Variants in C7orf33 observed in about 807,000 individuals in gnomAD.
The protein encoded by C7orf33 is chromosome 7 open reading frame 33, also known as uncharacterized protein C7orf33.
C7orf33 carries 15 observed loss-of-function variants against 13.4 expected under a neutral mutation model. The observed-to-expected ratio is 1.12, with a 90% CI of 0.75 to 1.72. The LOEUF (loss-of-function observed/expected upper bound fraction) is 1.72. C7orf33 is among the 40% of genes most tolerant of loss of function. C7orf33 has a pLI of 0.00. For missense variants in C7orf33, 187 were observed against 220.3 expected (o/e 0.85, Z 0.96); for synonymous variants, 73 against 83.2 (o/e 0.88, Z 0.67).
intron 1 of C7orf33, among the ~76,000 whole-genome samples, chr7:148,597,968 G>A (rs570279921): frequency 6.6e-6 from 1 of 152,242 alleles, no homozygotes; most frequent in African/African-American, 2.4e-5. Context: ...TGTTAGCCAG[G>A]ATGATCTCGA....
At position 148,610,241 on chromosome 7, in the gene C7orf33, T is replaced by G. The variant is rs1796521620; in HGVS notation, c.205-3801T>G. 2.0e-5 allele frequency among the ~76,000 whole-genome samples: 3 copies of G among 152,152 alleles called. No individual in the cohort carries two copies. In the South Asian group the frequency reaches 6.2e-4, roughly 32 times the overall value. ...GGATGCAAAGTATTGATCCTGGGTG[T>G]GTCTGTCAGGGTGTTGCCAAAGGAG... On this transcript the variant is annotated intron_variant, in intron 1 of 2. Coordinates refer to ENST00000307003, the MANE Select transcript of C7orf33 (RefSeq NM_145304.4).
At chr7:148,597,969 A>T (rs1240953033) in intron 1 of C7orf33, among the ~76,000 whole-genome samples, 1 of 152,030 alleles carries the variant, frequency 6.6e-6, no homozygotes, top group Non-Finnish European at 1.5e-5. Context: ...GTTAGCCAGG[A>T]TGATCTCGAT....
chr7:148,592,404 TA>T, intron 1 of C7orf33, among the ~76,000 whole-genome samples: 1 of 152,200 alleles, frequency 6.6e-6, no homozygotes, highest in Non-Finnish European at 1.5e-5. Context: ...ATATAAATGA[TA>T]ATCAATGACG....
intron 1 of C7orf33, among the ~76,000 whole-genome samples, chr7:148,596,139 A>G (rs1796335896): frequency 1.3e-5 from 2 of 152,328 alleles, no homozygotes; most frequent in South Asian, 4.1e-4. Context: ...ACTTTTATAT[A>G]ATAAACTTTA....
chr7:148,594,171 C>CT (rs940143798), intron 1 of C7orf33, among the ~76,000 whole-genome samples: 8,027 of 129,284 alleles, frequency 0.062, 364 homozygotes, highest in African/African-American at 0.11. Context: ...AACCTCTTTT[C>CT]TTTTTTTTTT....
chr7:148,613,991 AC>A lies in C7orf33; in HGVS notation c.205-49del, dbSNP rs556179630. On this transcript the variant is annotated intron_variant, in intron 1 of 2. Coordinates refer to ENST00000307003, the MANE Select transcript of C7orf33 (RefSeq NM_145304.4). ...AGAACAAATTAGTAGCTTACTGATC[AC>A]CATCTTTCCACCCTTTAACCCAATT... 20 of 1,579,424 alleles carry A rather than the reference AC, an allele frequency of 1.3e-5. 1 individual carries two copies. In the South Asian group the frequency reaches 2.3e-4, roughly 18 times the overall value.
intron 1 of C7orf33, among the ~76,000 whole-genome samples, chr7:148,606,937 C>T (rs1158483247): frequency 5.3e-5 from 8 of 150,666 alleles, no homozygotes; most frequent in African/African-American, 2.0e-4. Flanking sequence ...AAAAAATACA[C>T]ACACACACAC....
chr7:148,593,323 C>G (rs1457224485), intron 1 of C7orf33, among the ~76,000 whole-genome samples: 1 of 152,126 alleles, frequency 6.6e-6, no homozygotes, highest in Non-Finnish European at 1.5e-5. Context: ...AGTGCAATGG[C>G]TCAATCTTGG....
At chr7:148,593,986 G>A (rs1168624565) in intron 1 of C7orf33, among the ~76,000 whole-genome samples, 1 of 152,088 alleles carries the variant, frequency 6.6e-6, no homozygotes, top group Non-Finnish European at 1.5e-5. Context: ...GTTCTCACAA[G>A]ATCGGGTTGT....
intron 1 of C7orf33, among the ~76,000 whole-genome samples, chr7:148,600,799 C>CTTTTTTTT (rs11373798): frequency 6.7e-5 from 7 of 103,718 alleles, no homozygotes; most frequent in African/African-American, 3.0e-4. Flanking sequence ...TTATGGACTT[C>CTTTTTTTT]TTTTTTTTTT....
chr7:148,606,958 A>ACACACACACACG (rs1796480679), intron 1 of C7orf33, among the ~76,000 whole-genome samples: 1 of 151,706 alleles, frequency 6.6e-6, no homozygotes, highest in Admixed American at 6.6e-5. Context: ...ACACACACAC[A>ACACACACACACG]CACACGAGAA....
Position 148,591,107 on chromosome 7 carries a change from C to T in C7orf33, c.182C>T (p.Ser61Leu). The T allele has an allele frequency of 6.2e-7, 1 of 1,613,456 alleles. No homozygotes were observed. Among genetic ancestry groups the T allele is most frequent in the South Asian group, 1.1e-5 (1 of 90,870 alleles). ...GGCGGTCCAGGTCAATTTAACTTGTCATATGCCACGGGAAGACATAAGGTA... is the reference window on the plus strand; with the variant it reads ...GGCGGTCCAGGTCAATTTAACTTGTTATATGCCACGGGAAGACATAAGGTA... ...VRGGPGQFNL[S>L]YATGRHKKPN... is the part of the protein sequence containing the mutation. The change falls in exon 1 of 3, where the codon TCA becomes TTA. Residue 61 changes from serine (S) to leucine (L), a missense_variant. Physicochemically the swap from Ser to Leu is moderately radical, Grantham distance 145 (BLOSUM62 -2). Transcript: ENST00000307003.
Position 148,606,908 on chromosome 7 carries a change from G to A in C7orf33, c.205-7134G>A, listed in dbSNP as rs536514578. On this transcript the variant is annotated intron_variant, in intron 1 of 2. Transcript: ENST00000307003. ...GGCCACCTCATAAGGTTCTTAGTTG[G>A]AATAGACCCCATTTAAAAAAAAAAT... Among the ~76,000 whole-genome samples the A allele has an allele frequency of 8.9e-5, 11 of 123,556 alleles. No individual in the cohort carries two copies. The South Asian group carries it at 2.4e-3, about 27-fold the overall frequency. The allele number at this position is 123,556 out of a possible 152,430, so 81.1% of individuals were successfully genotyped here.
At chr7:148,606,743 T>G (rs1159952302) in intron 1 of C7orf33, among the ~76,000 whole-genome samples, 1 of 152,118 alleles carries the variant, frequency 6.6e-6, no homozygotes, top group Admixed American at 6.5e-5. Flanking sequence ...CCCACCACCA[T>G]GCCCAGCTAA....
At chr7:148,611,007 G>T (rs1191826502) in intron 1 of C7orf33, among the ~76,000 whole-genome samples, 3 of 152,164 alleles carry the variant, frequency 2.0e-5, no homozygotes, top group South Asian at 2.1e-4. Context: ...GTTCGACTAA[G>T]ATGGTATGGG....
intron 1 of C7orf33, among the ~76,000 whole-genome samples, chr7:148,599,469 A>AT (rs34816972): frequency 0.053 from 6,492 of 122,938 alleles, 415 homozygotes; most frequent in African/African-American, 0.13. Context: ...CAATTCTCAG[A>AT]TTTTTTTTTT....
intron 1 of C7orf33, among the ~76,000 whole-genome samples, chr7:148,608,692 G>A (rs951398691): frequency 6.6e-6 from 1 of 151,678 alleles, no homozygotes. Flanking sequence ...GCGCATGCCT[G>A]TAGTCCCAGC....
Position 148,615,497 on chromosome 7 carries a change from A to G in C7orf33, c.*96A>G. 2 of 786,178 alleles carry G rather than the reference A, an allele frequency of 2.5e-6. No individual in the cohort carries two copies. Among genetic ancestry groups the G allele is most frequent in the Non-Finnish European group, 4.3e-6 (2 of 460,374 alleles). The allele number at this position is 786,178 out of a possible 1,614,324, so 48.7% of individuals were successfully genotyped here. A position where few individuals can be genotyped will look rare whatever the true frequency, so the allele number is the denominator to read the frequency against. ...AAGAGAAATAGCTGAAGTTCTGGAA[A>G]TAACAGTTGATGAAAACTTGGTAAT... is the stretch of plus-strand genomic sequence containing the variant. On this transcript the variant is annotated 3_prime_UTR_variant, in exon 3 of 3. Coordinates refer to ENST00000307003, the MANE Select transcript of C7orf33 (RefSeq NM_145304.4).
chr7:148,607,881 T>C (rs1350484440), intron 1 of C7orf33, among the ~76,000 whole-genome samples: 1 of 152,228 alleles, frequency 6.6e-6, no homozygotes, highest in Non-Finnish European at 1.5e-5. Context: ...CTTCCTTCTT[T>C]CCTGGCTCCA....
Sources: allele counts gnomAD v4.1 joint callset (sites outside exome capture counted in the v4.1 genomes callset), GRCh38; gene constraint gnomAD v4.1.1; transcripts MANE v1.5; gene names NCBI Gene and HGNC (gene_info 2026-07-23, HGNC 2026-07-21).